SH3BP4: variants seen among roughly 807,000 people sequenced by gnomAD.
SH3BP4 encodes SH3 domain binding protein 4, also known as SH3 domain-binding protein 4.
In SH3BP4, 33 loss-of-function variants were observed where a neutral mutation model predicts 65.5. That is an observed-to-expected ratio of 0.50 (90% CI 0.38 to 0.67). The LOEUF (loss-of-function observed/expected upper bound fraction) is 0.67. Among genes scored for constraint, SH3BP4 ranks in the 30% least tolerant of loss-of-function variants. The pLI, the probability that SH3BP4 is intolerant of heterozygous loss-of-function variation, is 0.00. For synonymous variants in SH3BP4, 552 were observed against 545.5 expected, an observed-to-expected ratio of 1.01 and a Z score of -0.17; for missense variants, 1,134 against 1,261.4, an observed-to-expected ratio of 0.90 and a Z score of 1.53.
intron 1 of SH3BP4, among the ~76,000 whole-genome samples, chr2:234,994,142 C>G (rs1202609595): frequency 6.6e-6 from 1 of 152,120 alleles, no homozygotes; most frequent in Non-Finnish European, 1.5e-5. Context: ...TCCTCCCTCC[C>G]TCTTCCCCTC....
chr2:234,986,809 ATTT>A (rs59337610), intron 1 of SH3BP4, among the ~76,000 whole-genome samples: 3 of 133,318 alleles, frequency 2.3e-5, no homozygotes, highest in African/African-American at 8.2e-5. Flanking sequence ...TAATGATTTT[ATTT>A]TTTTTTTTTT....
chr2:234,965,851 C>T (rs1692822114), intron 1 of SH3BP4, among the ~76,000 whole-genome samples: 1 of 152,138 alleles, frequency 6.6e-6, no homozygotes, highest in African/African-American at 2.4e-5. Context: ...GAAAAACTTG[C>T]GCTTGTGTGA....
At chr2:235,001,448 T>C (rs1002084521) in intron 2 of SH3BP4, among the ~76,000 whole-genome samples, 1 of 152,176 alleles carries the variant, frequency 6.6e-6, no homozygotes, top group Non-Finnish European at 1.5e-5. Context: ...CCTCAATGTC[T>C]TGGCCAGAGT....
chr2:234,964,546 G>T (rs1057203601), intron 1 of SH3BP4, among the ~76,000 whole-genome samples: 1 of 151,884 alleles, frequency 6.6e-6, no homozygotes, highest in Non-Finnish European at 1.5e-5. Context: ...TGTACTGGGG[G>T]TCAGGACAGG....
rs1306707311 is a variant in SH3BP4 at position 235,052,567 on chromosome 2, A to G, written c.2484A>G (p.Leu828=). The G allele has an allele frequency of 1.9e-6, 3 of 1,547,904 alleles. No individual in the cohort carries two copies. Among genetic ancestry groups the G allele is most frequent in the African/African-American group, 1.4e-5 (1 of 72,918 alleles). Residue 828 remains leucine, a synonymous_variant, in exon 5 of 6, where the codon CTA becomes CTG. Coordinates refer to ENST00000392011, the MANE Select transcript of SH3BP4 (RefSeq NM_014521.3). This position sits in a 1 kb window ranked among gnomAD's most constrained non-coding sequence, Gnocchi z 5.0. ...GTGTGCCTCTTCCTCTGCAGGCCCT[A>G]CTGAAGATGGACTGCCAGGGCCTGG... ...KSFQKELVMA[L]LKMDCQGLVV... is the part of the protein sequence containing the mutation.
chr2:234,996,593 G>A (rs1221554076), intron 2 of SH3BP4, among the ~76,000 whole-genome samples: 3 of 152,210 alleles, frequency 2.0e-5, no homozygotes, highest in Admixed American at 6.5e-5. Flanking sequence ...CCTTATAAGT[G>A]CAGCCCCTGG....
intron 3 of SH3BP4, among the ~76,000 whole-genome samples, chr2:235,036,821 A>G (rs1408021889): frequency 2.6e-5 from 4 of 152,050 alleles, no homozygotes; most frequent in Non-Finnish European, 5.9e-5. Context: ...TAGAGGAGGA[A>G]GACAAACAAG....
chr2:234,970,988 C>T (rs1222652516), intron 1 of SH3BP4, among the ~76,000 whole-genome samples: 3 of 152,144 alleles, frequency 2.0e-5, no homozygotes, highest in East Asian at 1.9e-4. Context: ...ATAGGCTACT[C>T]ATTATGGCCT....
chr2:234,994,608 G>A (rs1693855275), intron 1 of SH3BP4: 1 of 152,214 alleles, frequency 6.6e-6, no homozygotes, highest in African/African-American at 2.4e-5. Flanking sequence ...TGTGACTTGA[G>A]GAGGAGACCC....
rs758723395 is a variant in SH3BP4 at position 235,040,897 on chromosome 2, C to A, written c.128C>A (p.Pro43His). The A allele has an allele frequency of 8.4e-5, 136 of 1,610,624 alleles. No individual in the cohort carries two copies. Among genetic ancestry groups the A allele is most frequent in the Middle Eastern group, 6.6e-4 (4 of 6,076 alleles). The change falls in exon 4 of 6, where the codon CCC becomes CAC. Residue 43 changes from proline (P) to histidine (H), a missense_variant. By Grantham distance (77) the Pro-to-His change is moderately conservative. Transcript: ENST00000392011. ...TTTGTGTTTTGCACAGTGCCTTCTCCCAGTGCCTTGCTCGTAGACAACCCC... is the reference window on the plus strand; with the variant it reads ...TTTGTGTTTTGCACAGTGCCTTCTCACAGTGCCTTGCTCGTAGACAACCCC... Reference protein sequence around the residue: ...TSFNDIKVPSPSALLVDNPTP... With the variant: ...TSFNDIKVPSHSALLVDNPTP...
In SH3BP4 at chr2:234,986,603, T is replaced by C. The variant is rs73124264; in HGVS notation, c.-206-8700T>C. 8.3e-3 allele frequency among the ~76,000 whole-genome samples: 1,260 copies of C among 152,224 alleles called. 19 individuals carry two copies. The highest frequency in any genetic ancestry group is 0.025 in the African/African-American group (1,044 of 41,536). On this transcript the variant is annotated intron_variant, in intron 1 of 5. Transcript: ENST00000392011. ...GTGTTTGTCGTTACTCTGCATATCA[T>C]GGCTGGTGGCTTTGGGTTAGGATCC...
chr2:234,984,636 A>G (rs748751756), intron 1 of SH3BP4, among the ~76,000 whole-genome samples: 1 of 152,180 alleles, frequency 6.6e-6, no homozygotes, highest in South Asian at 2.1e-4. Flanking sequence ...GTAACAGCCC[A>G]CTGGCTTTGA....
intron 3 of SH3BP4, among the ~76,000 whole-genome samples, chr2:235,037,649 C>T (rs772329593): frequency 3.3e-5 from 5 of 152,108 alleles, no homozygotes; most frequent in Non-Finnish European, 7.3e-5. Flanking sequence ...ATTTTGATGG[C>T]CGGCAAGCTC....
chr2:235,009,108 G>A (rs1329252940), intron 2 of SH3BP4, among the ~76,000 whole-genome samples: 1 of 152,212 alleles, frequency 6.6e-6, no homozygotes, highest in Non-Finnish European at 1.5e-5. Flanking sequence ...TGAGTTTGTT[G>A]AAATAGAGAT....
Position 235,041,495 on chromosome 2 carries a change from G to A in SH3BP4, c.726G>A (p.Lys242=), listed in dbSNP as rs1194116174. 1.9e-6 allele frequency: 3 copies of A among 1,614,040 alleles called. No individual in the cohort carries two copies. Among genetic ancestry groups the A allele is most frequent in the Non-Finnish European group, 2.5e-6 (3 of 1,180,042 alleles). The change falls in exon 4 of 6, where the codon AAG becomes AAA. Residue 242 remains lysine, a synonymous_variant. Coordinates refer to ENST00000392011, the MANE Select transcript of SH3BP4 (RefSeq NM_014521.3). The surrounding 1 kb of genome is among the most constrained non-coding windows in gnomAD (Gnocchi z 6.0). ...VRRDNPFFRS[K]RSYSLSELSV... ...GGGACAACCCCTTCTTCAGAAGCAAGCGCTCCTACAGTCTCTCGGAACTCT... is the reference window on the plus strand; with the variant it reads ...GGGACAACCCCTTCTTCAGAAGCAAACGCTCCTACAGTCTCTCGGAACTCT...
intron 4 of SH3BP4, among the ~76,000 whole-genome samples, chr2:235,044,025 C>T (rs1274658092): frequency 6.6e-6 from 1 of 152,252 alleles, no homozygotes; most frequent in Admixed American, 6.5e-5. Flanking sequence ...CAGTTTAGAT[C>T]TCTTGGGAGC....
intron 4 of SH3BP4, among the ~76,000 whole-genome samples, chr2:235,051,772 C>T (rs867282875): frequency 1.3e-5 from 2 of 152,162 alleles, no homozygotes; most frequent in Non-Finnish European, 1.5e-5. Context: ...CCGCGGTGCT[C>T]TCTAACTGGC....
chr2:235,044,624 C>T (rs1695784305), intron 4 of SH3BP4, among the ~76,000 whole-genome samples: 2 of 152,244 alleles, frequency 1.3e-5, no homozygotes, highest in Admixed American at 6.5e-5. Flanking sequence ...TTCTGAGAGG[C>T]GTGCTTCTTG....
intron 1 of SH3BP4, among the ~76,000 whole-genome samples, chr2:234,968,064 C>G (rs1436982339): frequency 1.3e-5 from 2 of 152,180 alleles, no homozygotes; most frequent in Non-Finnish European, 2.9e-5. Flanking sequence ...TTCCACCAAC[C>G]AGTCCGTAGC....
Sources: gnomAD v4.1 joint callset for allele counts (sites outside exome capture counted in the v4.1 genomes callset) on GRCh38, gnomAD v4.1.1 for gene constraint, Gnocchi (gnomAD v3.1) non-coding constraint, MANE v1.5 for transcripts, NCBI Gene and HGNC (gene_info 2026-07-23, HGNC 2026-07-21) for gene names.